Variants in FAM24B observed in about 807,000 individuals in gnomAD.
FAM24B encodes family with sequence similarity 24 member B.
Under a neutral mutation model 2.3 loss-of-function variants are expected in FAM24B, and 3 were observed. That is an observed-to-expected ratio of 1.29 (90% CI 0.59 to 3.32). FAM24B has a LOEUF of 3.32. Among genes scored for constraint, FAM24B ranks in the 30% most tolerant of loss-of-function variants. FAM24B has a pLI of 0.03. For synonymous variants in FAM24B, 36 were observed against 46.3 expected (o/e 0.78, Z 0.90); for missense variants, 98 against 117.2 (o/e 0.84, Z 0.76).
At chr10:122,862,668 T>TA (rs1185935490) in intron 1 of FAM24B, among the ~76,000 whole-genome samples, 1 of 152,192 alleles carries the variant, frequency 6.6e-6, no homozygotes, top group Non-Finnish European at 1.5e-5. Context: ...ATGGAGATTA[T>TA]AAAGAATAAG....
Position 122,864,246 on chromosome 10 carries a change from T to C in FAM24B, c.-177-8460A>G, listed in dbSNP as rs1490164766. On this transcript the variant is annotated intron_variant, in intron 1 of 3. Transcript: ENST00000368898. ...TTTTCACCTTTATTTTTGGCATTGA[T>C]GAATAATGAAGAACCTTAGCTTCTT... Among the ~76,000 whole-genome samples the C allele has an allele frequency of 2.0e-5, 3 of 152,214 alleles. No individual in the cohort carries two copies. In the South Asian group the frequency reaches 6.2e-4, roughly 32 times the overall value.
At chr10:122,878,047 T>A (rs1848005986) in intron 1 of FAM24B, among the ~76,000 whole-genome samples, 1 of 152,214 alleles carries the variant, frequency 6.6e-6, no homozygotes, top group African/African-American at 2.4e-5. Flanking sequence ...CTAAAAACTC[T>A]AAGTGTAGCA....
chr10:122,856,732 T>G (rs992610851), intron 1 of FAM24B, among the ~76,000 whole-genome samples: 3 of 152,200 alleles, frequency 2.0e-5, no homozygotes, highest in African/African-American at 7.2e-5. Flanking sequence ...CAAAGGTTCC[T>G]TCTCCAGCCC....
chr10:122,850,492 G>GA lies in FAM24B; in HGVS notation c.23dup (p.Leu9ProfsTer29). The GA allele has an allele frequency of 6.2e-7, 1 of 1,613,896 alleles. No individual in the cohort carries two copies. The highest frequency in any genetic ancestry group is 8.5e-7 in the Non-Finnish European group (1 of 1,179,804). On this transcript the variant is annotated frameshift_variant, in exon 3 of 4. Coordinates refer to ENST00000368898, the MANE Select transcript of FAM24B (RefSeq NM_152644.3). LOFTEE classifies it high-confidence loss of function. ...CTATCAGCAGGAGCAAGGCCGCCAGGATACCACCAGCGATGACAGGCATAA... is the reference window on the plus strand; with the variant it reads ...CTATCAGCAGGAGCAAGGCCGCCAGGAATACCACCAGCGATGACAGGCATAA...
chr10:122,872,856 C>T lies in FAM24B; in HGVS notation c.-178+6629G>A, dbSNP rs186858428. ...ATGTTAAATGACGAGTTAATGGGTG[C>T]AGCACACCAACATGGCACATGTATA... On this transcript the variant is annotated intron_variant, in intron 1 of 3. Coordinates refer to ENST00000368898, the MANE Select transcript of FAM24B (RefSeq NM_152644.3). 1.3e-3 allele frequency among the ~76,000 whole-genome samples: 204 copies of T among 152,200 alleles called. 2 individuals carry two copies. Among genetic ancestry groups the T allele is most frequent in the Admixed American group, 5.8e-3 (89 of 15,286 alleles).
intron 1 of FAM24B, among the ~76,000 whole-genome samples, chr10:122,860,344 T>G (rs1330516586): frequency 6.6e-6 from 1 of 152,218 alleles, no homozygotes; most frequent in Non-Finnish European, 1.5e-5. Flanking sequence ...CATTTAATAT[T>G]TGTATATCGA....
intron 1 of FAM24B, among the ~76,000 whole-genome samples, chr10:122,863,288 C>T (rs1306599647): frequency 1.3e-5 from 2 of 152,154 alleles, no homozygotes; most frequent in Admixed American, 6.5e-5. Flanking sequence ...TCTTAAGAGA[C>T]CCTATGAGGT....
At chr10:122,850,833 C>T in intron 2 of FAM24B, 1 of 298,786 alleles carries the variant, frequency 3.3e-6, no homozygotes, top group Non-Finnish European at 6.5e-6. Context: ...CTTTCCCTTT[C>T]ACAGGTGTGA....
At chr10:122,868,345 T>C (rs1459758719) in intron 1 of FAM24B, among the ~76,000 whole-genome samples, 2 of 152,216 alleles carry the variant, frequency 1.3e-5, no homozygotes, top group African/African-American at 2.4e-5. Flanking sequence ...TGGAACCAAG[T>C]TGGAAAACAC....
intron 1 of FAM24B, among the ~76,000 whole-genome samples, chr10:122,859,920 C>A (rs897429052): frequency 7.2e-5 from 11 of 152,096 alleles, no homozygotes; most frequent in African/African-American, 2.7e-4. Context: ...TGAAGTTGTT[C>A]AAGACAACTG....
chr10:122,861,480 T>G (rs2133832143), intron 1 of FAM24B, among the ~76,000 whole-genome samples: 1 of 152,332 alleles, frequency 6.6e-6, no homozygotes, highest in South Asian at 2.1e-4. Flanking sequence ...TAGAATAAAC[T>G]TGTAGCTATC....
At chr10:122,854,268 C>T (rs79991034) in intron 2 of FAM24B, among the ~76,000 whole-genome samples, 2,271 of 152,264 alleles carry the variant, frequency 0.015, 53 homozygotes, top group African/African-American at 0.046. Context: ...TTCTGAGTTG[C>T]AATGAAGGCA....
At chr10:122,872,735 A>G (rs1477155485) in intron 1 of FAM24B, among the ~76,000 whole-genome samples, 1 of 152,080 alleles carries the variant, frequency 6.6e-6, no homozygotes, top group Non-Finnish European at 1.5e-5. Context: ...GAATTGAACA[A>G]TGAGAACACA....
chr10:122,869,788 T>C (rs1177594214), intron 1 of FAM24B, among the ~76,000 whole-genome samples: 1 of 151,840 alleles, frequency 6.6e-6, no homozygotes, highest in African/African-American at 2.4e-5. Context: ...CAAAGCAGTG[T>C]GTAGAGGGAA....
chr10:122,867,082 TAA>T (rs1252492138), intron 1 of FAM24B, among the ~76,000 whole-genome samples: 1 of 152,198 alleles, frequency 6.6e-6, no homozygotes, highest in Non-Finnish European at 1.5e-5. Context: ...CTGATATGAA[TAA>T]AGTTTTAGTG....
intron 1 of FAM24B, among the ~76,000 whole-genome samples, chr10:122,859,564 AAAGGTGC>A (rs1847695673): frequency 6.6e-6 from 1 of 152,202 alleles, no homozygotes; most frequent in Admixed American, 6.5e-5. Flanking sequence ...AGAAAGGTGG[AAAGGTGC>A]AAGGTTGCCA....
chr10:122,856,520 T>G (rs192940742), intron 1 of FAM24B, among the ~76,000 whole-genome samples: 47 of 152,236 alleles, frequency 3.1e-4, no homozygotes, highest in African/African-American at 1.0e-3. Context: ...GGGGAGGTCA[T>G]AAAGCCCTGA....
Position 122,849,445 on chromosome 10 carries a change from G to A in FAM24B, c.93-6C>T. On this transcript the variant is annotated splice_region_variant and splice_polypyrimidine_tract_variant and intron_variant, in intron 3 of 3. Transcript: ENST00000368898. ...CTTCAGGTTCCTTTGCAGCTCTTGA[G>A]AAAAGACACACACAAAGCACAGGCT... is the stretch of plus-strand genomic sequence containing the variant. 1 of 1,603,856 alleles carries A rather than the reference G, an allele frequency of 6.2e-7. No individual in the cohort carries two copies.
intron 1 of FAM24B, among the ~76,000 whole-genome samples, chr10:122,866,891 A>C (rs1435648120): frequency 6.6e-6 from 1 of 152,192 alleles, no homozygotes; most frequent in Non-Finnish European, 1.5e-5. Context: ...CATATTTTAA[A>C]TCAAAAGCTA....
Sources: gnomAD v4.1 joint callset for allele counts (sites outside exome capture counted in the v4.1 genomes callset) on GRCh38, gnomAD v4.1.1 for gene constraint, MANE v1.5 for transcripts, NCBI Gene and HGNC (gene_info 2026-07-23, HGNC 2026-07-21) for gene names.